Variants in VARS2 observed in about 807,000 individuals in gnomAD.
The protein encoded by VARS2 is valine--tRNA ligase, mitochondrial.
Under a neutral mutation model 154.1 loss-of-function variants are expected in VARS2, and 105 were observed. The observed-to-expected ratio is 0.68, with a 90% CI of 0.58 to 0.80. The LOEUF (loss-of-function observed/expected upper bound fraction) is 0.80, where lower values mean the gene tolerates loss of function less well. VARS2 is among the 30% of genes least tolerant of loss of function. The pLI, the probability that VARS2 is intolerant of heterozygous loss-of-function variation, is 0.00. For synonymous variants in VARS2, 483 were observed against 539.5 expected, an observed-to-expected ratio of 0.90 and a Z score of 1.45; for missense variants, 1,157 against 1,361.4, an observed-to-expected ratio of 0.85 and a Z score of 2.36.
Position 30,920,016 on chromosome 6 carries a change from G to GGTGATGGGGCGGTGCAA in VARS2, c.1166-67_1166-66insGGGCGGTGCAAGTGATG, listed in dbSNP as rs1794406365. On this transcript the variant is annotated intron_variant, in intron 12 of 29. Coordinates refer to ENST00000676266, the MANE Select transcript of VARS2 (RefSeq NM_020442.6). The surrounding 1 kb of genome is among the most constrained non-coding windows in gnomAD (Gnocchi z 4.6). ...AAGTCGCAGGGGCTGGGGCGGTGCA[G>GGTGATGGGGCGGTGCAA]GTGATGATGATACATCTGGAAAAGC... is the stretch of plus-strand genomic sequence containing the variant. 9.9e-6 allele frequency: 15 copies of GGTGATGGGGCGGTGCAA among 1,507,796 alleles called. No homozygotes were observed. The highest frequency in any genetic ancestry group is 1.3e-5 in the Non-Finnish European group (15 of 1,128,062). 93.4% of individuals were successfully genotyped at this position (1,507,796 alleles called of 1,614,324 possible).
Position 30,921,225 on chromosome 6 carries a change from G to T in VARS2, c.1557-5G>T. On this transcript the variant is annotated splice_polypyrimidine_tract_variant and splice_region_variant and intron_variant, in intron 16 of 29. Transcript: ENST00000676266. This position sits in a 1 kb window ranked among gnomAD's most constrained non-coding sequence, Gnocchi z 4.6. Reference sequence around the variant, plus strand: ...TCTAAGACTTCACGAATGTCCTCCCGGCAGGGACTGGTGTGTCTCCCGGCA... The same window carrying T: ...TCTAAGACTTCACGAATGTCCTCCCTGCAGGGACTGGTGTGTCTCCCGGCA... 12 of 1,614,098 alleles carry T rather than the reference G, an allele frequency of 7.4e-6. No individual in the cohort carries two copies. The highest frequency in any genetic ancestry group is 1.0e-5 in the Non-Finnish European group (12 of 1,179,998).
rs756658278 is a variant in VARS2, at chr6:30,916,007, T to C, written c.533T>C (p.Leu178Pro). 2 of 1,614,066 alleles carry C rather than the reference T, an allele frequency of 1.2e-6. No individual in the cohort carries two copies. The highest frequency in any genetic ancestry group is 4.5e-5 in the East Asian group (2 of 44,888). ...RWHRMRGDQV[L>P]WVPGSDHAGI... ...CACCGGATGCGTGGGGATCAAGTGC[T>C]GTGGGTCCCTGGTTCAGATCATGCA... Residue 178 changes from leucine to proline, a missense_variant, in exon 6 of 30, where the codon CTG (leucine) becomes CCG (proline). Leu to Pro is a moderately conservative substitution (Grantham distance 98). Transcript: ENST00000676266. This position sits in a 1 kb window ranked among gnomAD's most constrained non-coding sequence, Gnocchi z 4.0.
Position 30,920,866 on chromosome 6 carries a change from A to T in VARS2, c.1479+117A>T. 9.2e-7 allele frequency: 1 copy of T among 1,091,520 alleles called. No homozygotes were observed. Among genetic ancestry groups the T allele is most frequent in the Non-Finnish European group, 1.3e-6 (1 of 772,824 alleles). 67.6% of individuals were successfully genotyped at this position (1,091,520 alleles called of 1,614,324 possible). On this transcript the variant is annotated intron_variant, in intron 15 of 29. Transcript: ENST00000676266. This position sits in a 1 kb window ranked among gnomAD's most constrained non-coding sequence, Gnocchi z 4.6. ...CCCTGAAGACCTCTCCAGCTGTGGT[A>T]ACTGAGAGGATGTGTGGGATGGAGG...
Position 30,919,051 on chromosome 6 carries a change from C to A in VARS2, c.1074+136C>A. Reference sequence around the variant, plus strand: ...ACTTCTCTCAGTGGTTCTGATTGGACTCCCTCCTCCTCTTATAGTTTTTCT... The same window carrying A: ...ACTTCTCTCAGTGGTTCTGATTGGAATCCCTCCTCCTCTTATAGTTTTTCT... On this transcript the variant is annotated intron_variant, in intron 11 of 29. Coordinates refer to ENST00000676266, the MANE Select transcript of VARS2 (RefSeq NM_020442.6). The surrounding 1 kb of genome is among the most constrained non-coding windows in gnomAD (Gnocchi z 4.5). 1 of 736,510 alleles carries A rather than the reference C, an allele frequency of 1.4e-6. No individual in the cohort carries two copies. Among genetic ancestry groups the A allele is most frequent in the Non-Finnish European group, 2.2e-6 (1 of 446,930 alleles). The allele number at this position is 736,510 out of a possible 1,614,324, so 45.6% of individuals were successfully genotyped here. A position where few individuals can be genotyped will look rare whatever the true frequency, so the allele number is the denominator to read the frequency against.
At position 30,924,419 on chromosome 6, in the gene VARS2, C is replaced by T. The variant is rs1283084348; in HGVS notation, c.2532C>T (p.Ser844=). ...RPLGPPQVLF[S]CADLGLRLLA... ...TGGGGCCCCCTCAGGTCCTGTTCTC[C>T]TGCGCTGACCTCGGCCTCCGCCTCC... is the stretch of plus-strand genomic sequence containing the variant. Residue 844 remains serine, a synonymous_variant, in exon 26 of 30, where the codon TCC becomes TCT. Transcript: ENST00000676266. 1.2e-6 allele frequency: 2 copies of T among 1,612,808 alleles called. No individual in the cohort carries two copies. Among genetic ancestry groups the T allele is most frequent in the Non-Finnish European group, 1.7e-6 (2 of 1,179,990 alleles).
Position 30,914,242 on chromosome 6 carries a change from C to G in VARS2, c.-130C>G. On this transcript the variant is annotated 5_prime_UTR_variant, in exon 1 of 30. Transcript: ENST00000676266. ...GCATGCGCCGGCCGGGGCCCCGCCC[C>G]CATGCGCCGCGCGGCTCCAGGGCCA... The G allele has an allele frequency of 1.4e-6, 1 of 710,308 alleles. No individual in the cohort carries two copies. Among genetic ancestry groups the G allele is most frequent in the East Asian group, 3.4e-5 (1 of 29,208 alleles). The allele number at this position is 710,308 out of a possible 1,614,324, so 44.0% of individuals were successfully genotyped here. A position where few individuals can be genotyped will look rare whatever the true frequency, so the allele number is the denominator to read the frequency against.
At chr6:30,915,067 T>G in intron 2 of VARS2, 30 bp downstream of exon 2, 1 of 1,612,652 alleles carries the variant, frequency 6.2e-7, no homozygotes, top group Non-Finnish European at 8.5e-7. Context: ...GTCCTTGGGT[T>G]TCTGAGACTT....
chr6:30,923,369 C>G lies in VARS2; in HGVS notation c.2330C>G (p.Pro777Arg), dbSNP rs183132980. Residue 777 changes from proline to arginine, a missense_variant, in exon 25 of 30, where the codon CCG (proline) becomes CGG (arginine). Transcript: ENST00000676266. Reference protein sequence around the residue: ...QPAEELSPSSPMDAWILSRLA... With the variant: ...QPAEELSPSSRMDAWILSRLA... ...TGCCTGCAGCTGTCTCCCTCCTCCC[C>G]GATGGATGCCTGGATCCTGAGCCGC... is the stretch of plus-strand genomic sequence containing the variant. The G allele has an allele frequency of 6.2e-7, 1 of 1,611,018 alleles. No homozygotes were observed. Among genetic ancestry groups the G allele is most frequent in the Non-Finnish European group, 8.5e-7 (1 of 1,178,910 alleles).
Position 30,926,263 on chromosome 6 carries a change from C to T in VARS2, c.*53C>T. ...TCTCAGACCTGTCTTTGAGGACAAA[C>T]AGATTTGTCAGCTGTCAGGGTGCAG... On this transcript the variant is annotated 3_prime_UTR_variant, in exon 30 of 30. Coordinates refer to ENST00000676266, the MANE Select transcript of VARS2 (RefSeq NM_020442.6). 2 of 1,566,274 alleles carry T rather than the reference C, an allele frequency of 1.3e-6. No homozygotes were observed. The highest frequency in any genetic ancestry group is 1.8e-6 in the Non-Finnish European group (2 of 1,141,154).
At position 30,917,731 on chromosome 6, in the gene VARS2, C is replaced by A; in HGVS notation, c.910C>A (p.Arg304=). The part of the protein sequence containing the change: ...NRPLPGHTQL[R]LPGCPTPVSF... ...GCCCCTGCCTGGCCACACACAGCTT[C>A]GACTGCCTGGCTGCCCCACCCCCGT... is the stretch of plus-strand genomic sequence containing the variant. Residue 304 remains arginine (R), a synonymous_variant, in exon 10 of 30, where the codon CGA becomes AGA. Coordinates refer to ENST00000676266, the MANE Select transcript of VARS2 (RefSeq NM_020442.6). The surrounding 1 kb of genome is among the most constrained non-coding windows in gnomAD (Gnocchi z 4.4). The A allele has an allele frequency of 2.6e-6, 4 of 1,567,758 alleles. 1 individual carries two copies. The South Asian group carries it at 4.7e-5, about 18-fold the overall frequency.
Position 30,919,770 on chromosome 6 carries a change from C to A in VARS2, c.1087C>A (p.Arg363=). 6.3e-7 allele frequency: 1 copy of A among 1,584,142 alleles called. No homozygotes were observed. The highest frequency in any genetic ancestry group is 8.6e-7 in the Non-Finnish European group (1 of 1,161,628). The stretch of plus-strand genomic sequence containing the variant: ...CCCTTCCCTTCAGCATCTACACGGG[C>A]GACAGCTTCGTCACCCCTTGATGGG... The part of the protein sequence containing the change: ...DDSRYTHLHG[R]QLRHPLMGQP... Residue 363 remains arginine, a synonymous_variant, in exon 12 of 30, where the codon CGA becomes AGA. Transcript: ENST00000676266. This position sits in a 1 kb window ranked among gnomAD's most constrained non-coding sequence, Gnocchi z 4.5.
rs1271050272 is a variant in VARS2 at position 30,919,752 on chromosome 6, C to T, written c.1075-6C>T. On this transcript the variant is annotated splice_region_variant and splice_polypyrimidine_tract_variant and intron_variant, in intron 11 of 29. Transcript: ENST00000676266. The surrounding 1 kb of genome is among the most constrained non-coding windows in gnomAD (Gnocchi z 4.5). ...CCTGTCCTTGATCCCTCTCCCTTCC[C>T]TTCAGCATCTACACGGGCGACAGCT... is the stretch of plus-strand genomic sequence containing the variant. 2.6e-6 allele frequency: 4 copies of T among 1,562,668 alleles called. No homozygotes were observed. Among genetic ancestry groups the T allele is most frequent in the Non-Finnish European group, 1.7e-6 (2 of 1,149,714 alleles).
intron 4 of VARS2, 29 bp downstream of exon 4, chr6:30,915,484 A>C: frequency 6.2e-7 from 1 of 1,605,236 alleles, no homozygotes; most frequent in Non-Finnish European, 8.5e-7. Context: ...GGGGTCCTAA[A>C]TTGTCTCCAG....
rs781500171 is a variant in VARS2 at position 30,914,960 on chromosome 6, A to C, written c.124A>C (p.Arg42=). 1.1e-5 allele frequency: 17 copies of C among 1,612,936 alleles called. No homozygotes were observed. The Admixed American group carries it at 2.7e-4, about 25-fold the overall frequency. ...SEPHGSPISR[R]NREAKQKRLR... ...GCCCCATGGATCTCCCATCTCCCGG[A>C]GGAACCGTGAAGCCAAACAGAAGCG... The change falls in exon 2 of 30, where the codon AGG becomes CGG. Residue 42 remains arginine (R), a synonymous_variant. Coordinates refer to ENST00000676266, the MANE Select transcript of VARS2 (RefSeq NM_020442.6).
At position 30,920,044 on chromosome 6, in the gene VARS2, A is replaced by C. The variant is rs780093556; in HGVS notation, c.1166-45A>C. ...GATGATGATACATCTGGAAAAGCAA[A>C]AGCCAAGGTCAGGTTCAGTACTCAC... is the stretch of plus-strand genomic sequence containing the variant. On this transcript the variant is annotated intron_variant, in intron 12 of 29. Transcript: ENST00000676266. This position sits in a 1 kb window ranked among gnomAD's most constrained non-coding sequence, Gnocchi z 4.6. 7.9e-7 allele frequency: 1 copy of C among 1,264,930 alleles called. No individual in the cohort carries two copies. The highest frequency in any genetic ancestry group is 3.3e-5 in the East Asian group (1 of 30,366). The allele number at this position is 1,264,930 out of a possible 1,614,324, so 78.4% of individuals were successfully genotyped here.
chr6:30,924,543 C>A lies in VARS2; in HGVS notation c.2656C>A (p.Pro886Thr). 6.5e-7 allele frequency: 1 copy of A among 1,548,350 alleles called. No individual in the cohort carries two copies. Residue 886 changes from proline (P) to threonine (T), a missense_variant, in exon 26 of 30, where the codon CCC (proline) becomes ACC (threonine). Coordinates refer to ENST00000676266, the MANE Select transcript of VARS2 (RefSeq NM_020442.6). The part of the protein sequence containing the change: ...PAPSISVAPY[P>T]SACSLEHWRQ... ...CCCCAGCATCTCGGTTGCCCCCTAC[C>A]CCAGCGCCTGCAGCTTGGTGAGTCC...
In VARS2 at chr6:30,917,877, T is replaced by A; in HGVS notation, c.985+71T>A. On this transcript the variant is annotated intron_variant, in intron 10 of 29. Coordinates refer to ENST00000676266, the MANE Select transcript of VARS2 (RefSeq NM_020442.6). This position sits in a 1 kb window ranked among gnomAD's most constrained non-coding sequence, Gnocchi z 4.4. The stretch of plus-strand genomic sequence containing the variant: ...CTGTTTTCTGAAGCCCATGTTGGGC[T>A]GCTAGGAACCCATCAGTCCATCTCT... 1 of 1,453,132 alleles carries A rather than the reference T, an allele frequency of 6.9e-7. No individual in the cohort carries two copies. The highest frequency in any genetic ancestry group is 9.4e-7 in the Non-Finnish European group (1 of 1,059,318). The allele number at this position is 1,453,132 out of a possible 1,614,324, so 90.0% of individuals were successfully genotyped here.
chr6:30,926,179 A>G lies in VARS2; in HGVS notation c.3161A>G (p.Glu1054Gly). 6.2e-7 allele frequency: 1 copy of G among 1,613,100 alleles called. No homozygotes were observed. The highest frequency in any genetic ancestry group is 8.5e-7 in the Non-Finnish European group (1 of 1,180,026). The change falls in exon 30 of 30, where the codon GAG (glutamate) becomes GGG (glycine). Residue 1054 changes from glutamate (E) to glycine (G), a missense_variant. By Grantham distance (98) the Glu-to-Gly change is moderately conservative. Transcript: ENST00000676266. ...AASHLRQLMD[E>G]PPAPGSPEL Reference sequence around the variant, plus strand: ...TCTCACCTCCGGCAGCTGATGGATGAGCCTCCAGCCCCAGGGAGCCCGGAG... The same window carrying G: ...TCTCACCTCCGGCAGCTGATGGATGGGCCTCCAGCCCCAGGGAGCCCGGAG...
rs771223300 is a variant in VARS2, at chr6:30,926,118, C to T, written c.3100C>T (p.Leu1034Phe). The T allele has an allele frequency of 1.2e-6, 2 of 1,613,134 alleles. No homozygotes were observed. Among genetic ancestry groups the T allele is most frequent in the Admixed American group, 1.7e-5 (1 of 60,028 alleles). ...TTTTCTCCTCGTCCAGCTTTCTTCC[C>T]TCCAGCTGGAATTGTCAAAACTGGA... ...GTQRQQKLSS[L>F]QLELSKLDKA... The change falls in exon 30 of 30, where the codon CTC becomes TTC. Residue 1034 changes from leucine to phenylalanine, a missense_variant. Transcript: ENST00000676266.
Sources: gnomAD v4.1 joint callset for allele counts on GRCh38, gnomAD v4.1.1 for gene constraint, Gnocchi (gnomAD v3.1) non-coding constraint, MANE v1.5 for transcripts, NCBI Gene and HGNC (gene_info 2026-07-23, HGNC 2026-07-21) for gene names.